CNOT4: variants seen among roughly 807,000 people sequenced by gnomAD.
The protein encoded by CNOT4 is CCR4-associated factor 4.
CNOT4 carries 8 observed loss-of-function variants against 73.8 expected under a neutral mutation model. The ratio of observed to expected loss-of-function variants is 0.11; its 90% confidence interval spans 0.06 to 0.20. The LOEUF (loss-of-function observed/expected upper bound fraction) is 0.20. Ranked by LOEUF, CNOT4 falls within the 10% of genes least tolerant of loss-of-function variation. The probability of loss-of-function intolerance (pLI) is 1.00; values close to 1 mark genes in which losing one functional copy is unlikely to be tolerated. For synonymous variants in CNOT4, 293 were observed against 321.1 expected, an observed-to-expected ratio of 0.91 and a Z score of 0.94; for missense variants, 564 against 883.4, an observed-to-expected ratio of 0.64 and a Z score of 4.58.
At chr7:135,474,276 A>ATTTTTTT (rs869203152) in intron 1 of CNOT4, among the ~76,000 whole-genome samples, 1 of 87,974 alleles carries the variant, frequency 1.1e-5, no homozygotes, top group African/African-American at 5.0e-5. Flanking sequence ...CTGTGCCCAA[A>ATTTTTTT]TTTTTTTTTT....
chr7:135,373,059 G>C (rs1280783316), intron 10 of CNOT4, among the ~76,000 whole-genome samples: 1 of 152,128 alleles, frequency 6.6e-6, no homozygotes, highest in East Asian at 1.9e-4. Context: ...TACACAGGGA[G>C]AATCTGATGG....
Position 135,430,718 on chromosome 7 carries a change from A to C in CNOT4, c.174+7440T>G, listed in dbSNP as rs1444728643. Among the ~76,000 whole-genome samples, 6 of 152,352 alleles carry C rather than the reference A, an allele frequency of 3.9e-5. No individual in the cohort carries two copies. In the South Asian group the frequency reaches 6.2e-4, roughly 16 times the overall value. ...GAGAAAAAAGTATAACCATCTCAAT[A>C]GTATCAAAAAAGGTATTTGGCAAAA... On this transcript the variant is annotated intron_variant, in intron 2 of 11. Coordinates refer to ENST00000541284, the MANE Select transcript of CNOT4 (RefSeq NM_001190850.2).
At position 135,380,729 on chromosome 7, in the gene CNOT4, C is replaced by T. The variant is rs3828956; in HGVS notation, c.1627+13189G>A. Among the ~76,000 whole-genome samples the T allele has an allele frequency of 2.2e-3, 340 of 152,318 alleles. 12 individuals carry two copies. The East Asian group carries it at 0.054, about 24-fold the overall frequency. ...AGTTTCAAGCATGAAAGCACATTTA[C>T]ATGGTGAGGGCTAAAGAAACTTCAA... On this transcript the variant is annotated intron_variant, in intron 10 of 11. Coordinates refer to ENST00000541284, the MANE Select transcript of CNOT4 (RefSeq NM_001190850.2).
chr7:135,440,622 T>C (rs1194898893), intron 1 of CNOT4, among the ~76,000 whole-genome samples: 1 of 152,002 alleles, frequency 6.6e-6, no homozygotes, highest in Non-Finnish European at 1.5e-5. Flanking sequence ...TACAGCAATA[T>C]AAGAGTAGAA....
At chr7:135,479,093 A>C (rs1305185621) in intron 1 of CNOT4, among the ~76,000 whole-genome samples, 1 of 151,802 alleles carries the variant, frequency 6.6e-6, no homozygotes, top group African/African-American at 2.4e-5. Context: ...AAATTGCTAG[A>C]TGAAGCATGG....
chr7:135,390,390 C>T (rs571535318), intron 10 of CNOT4, among the ~76,000 whole-genome samples: 25 of 151,772 alleles, frequency 1.6e-4, no homozygotes, highest in Non-Finnish European at 3.1e-4. Context: ...AACAAAGTCA[C>T]GTTTTAGGAC....
At chr7:135,431,177 A>G (rs571750294) in intron 2 of CNOT4, among the ~76,000 whole-genome samples, 2 of 152,322 alleles carry the variant, frequency 1.3e-5, no homozygotes, top group African/African-American at 4.8e-5. Flanking sequence ...AGACAGAAGT[A>G]CTGCTTGAGC....
intron 10 of CNOT4, chr7:135,388,119 A>G (rs1021147013): frequency 1.0e-6 from 1 of 985,030 alleles, no homozygotes; most frequent in Non-Finnish European, 1.2e-6. Context: ...GTGCATTAGA[A>G]AAGAGATTAT....
intron 10 of CNOT4, among the ~76,000 whole-genome samples, chr7:135,390,082 A>T (rs1796322040): frequency 6.6e-6 from 1 of 152,186 alleles, no homozygotes; most frequent in Non-Finnish European, 1.5e-5. Context: ...ACAATAGGCC[A>T]TATACCCCTG....
At chr7:135,368,790 T>C (rs1035779889) in intron 10 of CNOT4, among the ~76,000 whole-genome samples, 1 of 152,230 alleles carries the variant, frequency 6.6e-6, no homozygotes, top group Non-Finnish European at 1.5e-5. Context: ...ATTTAAACAA[T>C]GACTATATTA....
intron 1 of CNOT4, among the ~76,000 whole-genome samples, chr7:135,443,156 G>T (rs1799592607): frequency 6.7e-6 from 1 of 149,506 alleles, no homozygotes. Context: ...TTCAAGACCT[G>T]CCTGGGCACC....
chr7:135,472,272 T>C (rs1012817749), intron 1 of CNOT4, among the ~76,000 whole-genome samples: 28 of 148,702 alleles, frequency 1.9e-4, no homozygotes, highest in African/African-American at 6.5e-4. Flanking sequence ...GGTCAGGAGA[T>C]CGAGACCATC....
chr7:135,504,833 T>C (rs1804257685), intron 1 of CNOT4, among the ~76,000 whole-genome samples: 1 of 151,100 alleles, frequency 6.6e-6, no homozygotes, highest in Non-Finnish European at 1.5e-5. Context: ...TTTCACCATG[T>C]TGGCCAGGCT....
chr7:135,457,083 GT>G (rs1282069511), intron 1 of CNOT4, among the ~76,000 whole-genome samples: 1 of 151,914 alleles, frequency 6.6e-6, no homozygotes, highest in Non-Finnish European at 1.5e-5. Context: ...TGGAAACAAA[GT>G]AAAATTGTAA....
chr7:135,504,496 AT>A (rs1309119708), intron 1 of CNOT4, among the ~76,000 whole-genome samples: 1 of 54,418 alleles, frequency 1.8e-5, no homozygotes, highest in African/African-American at 8.9e-5. Flanking sequence ...TTTTATTTTT[AT>A]TTTTTTTGAG....
At chr7:135,470,929 C>T (rs151222111) in intron 1 of CNOT4, among the ~76,000 whole-genome samples, 2 of 152,288 alleles carry the variant, frequency 1.3e-5, no homozygotes, top group African/African-American at 4.8e-5. Flanking sequence ...TTTGTCAAAA[C>T]TCATCTAACA....
intron 1 of CNOT4, among the ~76,000 whole-genome samples, chr7:135,489,901 CAT>C (rs1318912673): frequency 1.3e-5 from 2 of 152,236 alleles, no homozygotes; most frequent in African/African-American, 4.8e-5. Context: ...GATCCCACTA[CAT>C]GAGCCTCTCT....
intron 1 of CNOT4, among the ~76,000 whole-genome samples, chr7:135,500,016 C>T (rs1803858856): frequency 1.3e-5 from 2 of 152,044 alleles, no homozygotes; most frequent in South Asian, 2.1e-4. Flanking sequence ...AGGATAGAGG[C>T]GATGCCAACG....
At chr7:135,504,919 T>C (rs1804267331) in intron 1 of CNOT4, among the ~76,000 whole-genome samples, 1 of 151,912 alleles carries the variant, frequency 6.6e-6, no homozygotes, top group Non-Finnish European at 1.5e-5. Flanking sequence ...TGAGCCACCG[T>C]GCCCGGTCAC....
Sources: gnomAD v4.1 joint callset for allele counts (sites outside exome capture counted in the v4.1 genomes callset) on GRCh38, gnomAD v4.1.1 for gene constraint, MANE v1.5 for transcripts, NCBI Gene and HGNC (gene_info 2026-07-23, HGNC 2026-07-21) for gene names.